HS3ST4: variants seen among roughly 807,000 people sequenced by gnomAD.
HS3ST4 encodes heparan sulfate-glucosamine 3-sulfotransferase 4.
A neutral mutation model predicts 29.2 loss-of-function variants in HS3ST4; 17 were observed. The ratio of observed to expected loss-of-function variants is 0.58; its 90% CI spans 0.40 to 0.87. The LOEUF (loss-of-function observed/expected upper bound fraction) is 0.87, where lower values mean the gene tolerates loss of function less well. Among genes scored for constraint, HS3ST4 ranks in the 40% least tolerant of loss-of-function variants. The pLI is 0.00. For synonymous variants in HS3ST4, 314 were observed against 285.7 expected, an observed-to-expected ratio of 1.10 and a Z score of -1.00; for missense variants, 627 against 634.5, an observed-to-expected ratio of 0.99 and a Z score of 0.13.
chr16:25,825,203 G>A (rs28638034), intron 1 of HS3ST4, among the ~76,000 whole-genome samples: 42,586 of 152,054 alleles, frequency 0.28, 6,321 homozygotes, highest in African/African-American at 0.36. Flanking sequence ...AGCAACCACC[G>A]GAAGTTAGGA....
chr16:25,791,721 A>C (rs1966869654), intron 1 of HS3ST4, among the ~76,000 whole-genome samples: 2 of 152,128 alleles, frequency 1.3e-5, no homozygotes, highest in Non-Finnish European at 2.9e-5. Flanking sequence ...GTAGAAATAC[A>C]ATTAATGATT....
At chr16:26,082,874 C>G (rs1393333603) in intron 1 of HS3ST4, among the ~76,000 whole-genome samples, 1 of 152,194 alleles carries the variant, frequency 6.6e-6, no homozygotes, top group Non-Finnish European at 1.5e-5. Context: ...AGAAATAAAC[C>G]TTTGTTGTTT....
chr16:25,987,094 T>C (rs1969071607), intron 1 of HS3ST4, among the ~76,000 whole-genome samples: 1 of 152,222 alleles, frequency 6.6e-6, no homozygotes, highest in South Asian at 2.1e-4. Context: ...CTCACGCCTG[T>C]AATCCCAGCA....
chr16:25,880,317 T>C, intron 1 of HS3ST4, among the ~76,000 whole-genome samples: 1 of 152,144 alleles, frequency 6.6e-6, no homozygotes, highest in Non-Finnish European at 1.5e-5. Context: ...CCTCCCAGAG[T>C]CTAGCACAGT....
chr16:25,956,888 C>T (rs923045371), intron 1 of HS3ST4, among the ~76,000 whole-genome samples: 2 of 149,416 alleles, frequency 1.3e-5, no homozygotes, highest in African/African-American at 2.5e-5. Context: ...ATCTCAGCTA[C>T]TTGGGAGGCT....
rs907818150 is a variant in HS3ST4 at position 25,937,801 on chromosome 16, C to T, written c.735-197811C>T. ...GTACTCATTTACCCCTTGTATCTTC[C>T]CATTGACACAGGGAAGTTGGTAAGT... On this transcript the variant is annotated intron_variant, in intron 1 of 1. Transcript: ENST00000331351. 2.6e-5 allele frequency among the ~76,000 whole-genome samples: 4 copies of T among 152,112 alleles called. No homozygotes were observed. In the South Asian group the frequency reaches 8.3e-4, roughly 32 times the overall value.
chr16:26,028,193 A>C (rs1395643714), intron 1 of HS3ST4, among the ~76,000 whole-genome samples: 3 of 150,384 alleles, frequency 2.0e-5, no homozygotes, highest in Non-Finnish European at 4.4e-5. Flanking sequence ...GAATTGCTTG[A>C]ACGTGGGAAG....
At chr16:25,793,888 C>G (rs1250838878) in intron 1 of HS3ST4, among the ~76,000 whole-genome samples, 2 of 151,358 alleles carry the variant, frequency 1.3e-5, no homozygotes, top group Non-Finnish European at 3.0e-5. Context: ...TTTATTTTTT[C>G]CCTCTATTTG....
At chr16:25,790,389 A>G (rs4519333) in intron 1 of HS3ST4, among the ~76,000 whole-genome samples, 48,744 of 152,114 alleles carry the variant, frequency 0.32, 8,637 homozygotes, top group East Asian at 0.51. Context: ...AGCCCGGGCA[A>G]CAGAGTGAGA....
intron 1 of HS3ST4, among the ~76,000 whole-genome samples, chr16:26,070,558 T>A: frequency 6.6e-6 from 1 of 152,218 alleles, no homozygotes; most frequent in East Asian, 1.9e-4. Context: ...TTTCAGACTG[T>A]ATGTTATACA....
At chr16:25,751,362 C>G (rs764486738) in intron 1 of HS3ST4, among the ~76,000 whole-genome samples, 3 of 152,134 alleles carry the variant, frequency 2.0e-5, no homozygotes, top group Non-Finnish European at 4.4e-5. Flanking sequence ...TGCTCTTTCA[C>G]TATGGCCATC....
chr16:26,115,161 CACTG>C (rs907258316), intron 1 of HS3ST4, among the ~76,000 whole-genome samples: 5 of 150,112 alleles, frequency 3.3e-5, no homozygotes, highest in Non-Finnish European at 7.5e-5. Context: ...CCCACACATA[CACTG>C]ACACTCACCC....
At chr16:25,817,411 C>T (rs968993555) in intron 1 of HS3ST4, among the ~76,000 whole-genome samples, 10 of 152,184 alleles carry the variant, frequency 6.6e-5, no homozygotes, top group Non-Finnish European at 1.3e-4. Flanking sequence ...AACCTCGTTG[C>T]GGCTACTTAA....
Position 26,135,697 on chromosome 16 carries a change from A to C in HS3ST4, c.820A>C (p.Ile274Leu), listed in dbSNP as rs752969204. 1 of 1,613,896 alleles carries C rather than the reference A, an allele frequency of 6.2e-7. No individual in the cohort carries two copies. ...YFVTNEAPKR[I>L]HSMAKDIKLI... ...TGTGACAAATGAGGCTCCCAAGCGCATTCACTCCATGGCCAAGGACATCAA... is the reference window on the plus strand; with the variant it reads ...TGTGACAAATGAGGCTCCCAAGCGCCTTCACTCCATGGCCAAGGACATCAA... The change falls in exon 2 of 2, where the codon ATT becomes CTT. Residue 274 changes from isoleucine (I) to leucine (L), a missense_variant. Physicochemically the swap from Ile to Leu is conservative, Grantham distance 5. Around this residue, in one of 2 missense-constraint regions of HS3ST4, gnomAD observed 225 missense variants for 293.7 expected, o/e 0.77. Coordinates refer to ENST00000331351, the MANE Select transcript of HS3ST4 (RefSeq NM_006040.3).
chr16:25,715,122 A>G lies in HS3ST4; in HGVS notation c.734+21971A>G, dbSNP rs570284539. Among the ~76,000 whole-genome samples, 369 of 152,082 alleles carry G rather than the reference A, an allele frequency of 2.4e-3. 2 individuals are homozygous for G. Among genetic ancestry groups the G allele is most frequent in the Admixed American group, 5.1e-3 (78 of 15,278 alleles). On this transcript the variant is annotated intron_variant, in intron 1 of 1. Transcript: ENST00000331351. ...TGGATCACGAGGTCAGGAGATCGAG[A>G]CCATCCTGGCTAACAAGGTGAAACC...
intron 1 of HS3ST4, among the ~76,000 whole-genome samples, chr16:25,752,255 A>G (rs975639318): frequency 1.3e-5 from 2 of 152,218 alleles, no homozygotes; most frequent in East Asian, 1.9e-4. Context: ...CACAACAGCA[A>G]GTGGCCAACT....
chr16:26,038,779 G>A (rs1447983050), intron 1 of HS3ST4, among the ~76,000 whole-genome samples: 1 of 152,076 alleles, frequency 6.6e-6, no homozygotes, highest in African/African-American at 2.4e-5. Context: ...CGCCTCCCGG[G>A]TTCATGCCAT....
chr16:26,028,649 G>A (rs916453880), intron 1 of HS3ST4, among the ~76,000 whole-genome samples: 6 of 152,284 alleles, frequency 3.9e-5, no homozygotes, highest in Non-Finnish European at 7.4e-5. Flanking sequence ...TGAGGGTGAC[G>A]TGGCAGCAAC....
At chr16:25,873,929 A>G (rs1452970392) in intron 1 of HS3ST4, among the ~76,000 whole-genome samples, 1 of 152,180 alleles carries the variant, frequency 6.6e-6, no homozygotes, top group African/African-American at 2.4e-5. Flanking sequence ...CAGGTTTGAC[A>G]GTGGGGACCA....
Sources: gnomAD v4.1 joint callset for allele counts (sites outside exome capture counted in the v4.1 genomes callset) on GRCh38, gnomAD v4.1.1 for gene constraint, gnomAD v4.1.1 regional missense constraint, MANE v1.5 for transcripts, NCBI Gene and HGNC (gene_info 2026-07-23, HGNC 2026-07-21) for gene names.